The following FABP3 variants were observed in gnomAD, a reference collection of about 807,000 sequenced individuals.
FABP3 encodes the protein fatty acid binding protein 3.
In FABP3, 8 loss-of-function variants were observed where a neutral mutation model predicts 13.4. The observed-to-expected ratio is 0.60, with a 90% CI of 0.35 to 1.07. FABP3 has a LOEUF of 1.07. Among genes scored for constraint, FABP3 ranks in the 50% least tolerant of loss-of-function variants. The pLI, the probability that FABP3 is intolerant of heterozygous loss-of-function variation, is 0.02. For synonymous variants in FABP3, 64 were observed against 60.0 expected, an observed-to-expected ratio of 1.07 and a Z score of -0.31; for missense variants, 135 against 164.7, an observed-to-expected ratio of 0.82 and a Z score of 0.99.
Position 31,365,905 on chromosome 1 carries a change from G to A in FABP3, c.383C>T (p.Thr128Ile), listed in dbSNP as rs749331943. 1.2e-6 allele frequency: 2 copies of A among 1,614,030 alleles called. No homozygotes were observed. The highest frequency in any genetic ancestry group is 2.2e-5 in the South Asian group (2 of 91,078). ...GTCAGGTCATGCCTCTTTCTCATAA[G>A]TGCGAGTGCAAACTGCAGTGCCGTG... ...LTHGTAVCTR[T>I]YEKEA is the part of the protein sequence containing the mutation. Residue 128 changes from threonine to isoleucine, a missense_variant, in exon 4 of 4, where the codon ACT (threonine) becomes ATT (isoleucine). Coordinates refer to ENST00000373713, the MANE Select transcript of FABP3 (RefSeq NM_004102.5).
At chr1:31,370,322 G>A (rs778520635) in intron 1 of FABP3, among the ~76,000 whole-genome samples, 2 of 152,160 alleles carry the variant, frequency 1.3e-5, no homozygotes, top group Non-Finnish European at 2.9e-5. Context: ...ACCTCCCAAG[G>A]CTGGAGCATA....
chr1:31,362,596 T>G (rs1639952235), downstream of FABP3, among the ~76,000 whole-genome samples: 1 of 152,182 alleles, frequency 6.6e-6, no homozygotes, highest in African/African-American at 2.4e-5. Context: ...TATAATCTTG[T>G]GAGGTGGCTG....
chr1:31,359,983 CT>C, the FABP3 span, among the ~76,000 whole-genome samples: 34,704 of 145,054 alleles, frequency 0.24, 4,521 homozygotes, highest in African/African-American at 0.38. Context: ...GAACTACAAC[CT>C]TTTTTTTTTT....
intron 1 of FABP3, among the ~76,000 whole-genome samples, chr1:31,372,237 T>C (rs1229939435): frequency 6.6e-6 from 1 of 152,138 alleles, no homozygotes; most frequent in Non-Finnish European, 1.5e-5. Context: ...CTCGCACAGA[T>C]AGGTGAGCCT....
chr1:31,363,401 T>C (rs1447209972), downstream of FABP3, among the ~76,000 whole-genome samples: 1 of 152,192 alleles, frequency 6.6e-6, no homozygotes, highest in East Asian at 1.9e-4. Context: ...GCCAGGATGG[T>C]CTCGATCTCC....
chr1:31,369,268 A>G, intron 2 of FABP3, 117 bp downstream of exon 2: 1 of 1,076,074 alleles, frequency 9.3e-7, no homozygotes, highest in Non-Finnish European at 1.4e-6. Context: ...TGTTTCATTT[A>G]AATTCCCCAT....
chr1:31,371,704 T>C (rs1197819789), intron 1 of FABP3, among the ~76,000 whole-genome samples: 5 of 152,162 alleles, frequency 3.3e-5, no homozygotes, highest in Non-Finnish European at 7.4e-5. Flanking sequence ...AATCTGGGCA[T>C]TCCAACTTCC....
chr1:31,366,288 C>T (rs995220395), intron 3 of FABP3, among the ~76,000 whole-genome samples: 3 of 152,016 alleles, frequency 2.0e-5, no homozygotes, highest in Admixed American at 6.6e-5. Context: ...TGGTGCCTGG[C>T]ATATAGTTGA....
Position 31,365,613 on chromosome 1 carries a change from A to G in FABP3, c.*273T>C. ...ACTCTCTGACACACAGGATAAACCA[A>G]GACTCCCAGAGTTATGTTACCAAAG... On this transcript the variant is annotated 3_prime_UTR_variant, in exon 4 of 4. Transcript: ENST00000373713. 1 of 413,162 alleles carries G rather than the reference A, an allele frequency of 2.4e-6. No homozygotes were observed. 25.6% of individuals were successfully genotyped at this position (413,162 alleles called of 1,614,324 possible).
Position 31,365,964 on chromosome 1 carries a change from G to A in FABP3, c.349-25C>T, listed in dbSNP as rs374764850. On this transcript the variant is annotated intron_variant, in intron 3 of 3. Transcript: ENST00000373713. ...TCTGGAAGGAAAGACAGAGTGAGAT[G>A]GGGGGTGGAGCCAGGAACACCATTG... is the stretch of plus-strand genomic sequence containing the variant. 6.8e-6 allele frequency: 11 copies of A among 1,608,412 alleles called. No individual in the cohort carries two copies. In the African/African-American group the frequency reaches 9.4e-5, roughly 14 times the overall value.
chr1:31,372,828 G>T, intron 1 of FABP3, 114 bp downstream of exon 1: 1 of 1,031,532 alleles, frequency 9.7e-7, no homozygotes, highest in Non-Finnish European at 1.5e-6. Flanking sequence ...CCATCTCCGC[G>T]CTCCCCTATT....
chr1:31,371,350 T>C (rs1640205486), intron 1 of FABP3, among the ~76,000 whole-genome samples: 1 of 152,214 alleles, frequency 6.6e-6, no homozygotes, highest in Non-Finnish European at 1.5e-5. Context: ...CCCAGAGGTA[T>C]GGAGTGTTTG....
At chr1:31,372,889 C>G in intron 1 of FABP3, 53 bp downstream of exon 1, 1 of 1,533,642 alleles carries the variant, frequency 6.5e-7, no homozygotes, top group Non-Finnish European at 9.0e-7. Flanking sequence ...TGGGGCTAGG[C>G]ACGCCACCAG....
rs2148492956 is a variant in FABP3, at chr1:31,365,470, G to C, written c.*416C>G. 6.6e-6 allele frequency among the ~76,000 whole-genome samples: 1 copy of C among 152,242 alleles called. No individual in the cohort carries two copies. The highest frequency in any genetic ancestry group is 1.9e-4 in the East Asian group (1 of 5,178). ...AGTGTAAAGGCAACGTGTAGGTACA[G>C]CTCTTTTATTATTAAATGTGTAAGG... On this transcript the variant is annotated 3_prime_UTR_variant, in exon 4 of 4. Transcript: ENST00000373713.
intron 1 of FABP3, among the ~76,000 whole-genome samples, chr1:31,370,816 A>G (rs1640194934): frequency 6.6e-6 from 1 of 152,184 alleles, no homozygotes; most frequent in South Asian, 2.1e-4. Flanking sequence ...GTGAGGCAGG[A>G]GGCAGCCCAG....
chr1:31,371,226 C>T (rs1247708248), intron 1 of FABP3, among the ~76,000 whole-genome samples: 1 of 152,192 alleles, frequency 6.6e-6, no homozygotes, highest in African/African-American at 2.4e-5. Context: ...CTTGCTTGGC[C>T]AGTGAGGAAC....
downstream of FABP3, among the ~76,000 whole-genome samples, chr1:31,360,994 G>A (rs1259692992): frequency 6.6e-6 from 1 of 152,134 alleles, no homozygotes; most frequent in Non-Finnish European, 1.5e-5. Flanking sequence ...CAGGGAACTG[G>A]TGCCAGACTC....
At chr1:31,363,894 C>A, downstream of FABP3, 1 of 1,375,368 alleles carries the variant, frequency 7.3e-7, no homozygotes, top group African/African-American at 1.5e-5. Context: ...AACTCCTGGC[C>A]TCAAGCATTC....
chr1:31,367,331 G>T, intron 3 of FABP3, 62 bp downstream of exon 3: 1 of 1,385,138 alleles, frequency 7.2e-7, no homozygotes, highest in Non-Finnish European at 1.0e-6. Context: ...TTTAGAACAG[G>T]CTTGGCTGAA....
Sources: allele counts gnomAD v4.1 joint callset (sites outside exome capture counted in the v4.1 genomes callset), GRCh38; gene constraint gnomAD v4.1.1; transcripts MANE v1.5; gene names NCBI Gene and HGNC (gene_info 2026-07-23, HGNC 2026-07-21).